The following LNPEP variants were observed in gnomAD, a reference collection of about 807,000 sequenced individuals.
LNPEP encodes leucyl-cystinyl aminopeptidase.
LNPEP carries 64 observed loss-of-function variants against 120.6 expected under a neutral mutation model. That is an observed-to-expected ratio of 0.53 (90% CI 0.43 to 0.65). The LOEUF (loss-of-function observed/expected upper bound fraction) is 0.65. Among genes scored for constraint, LNPEP ranks in the 30% least tolerant of loss-of-function variants. The pLI is 0.00. For missense variants in LNPEP, 1,057 were observed against 1,200.0 expected (o/e 0.88, Z 1.76); for synonymous variants, 435 against 425.4 (o/e 1.02, Z -0.28).
intron 16 of LNPEP, among the ~76,000 whole-genome samples, chr5:97,027,425 T>G (rs1791369385): frequency 6.6e-6 from 1 of 151,916 alleles, no homozygotes; most frequent in Non-Finnish European, 1.5e-5. Flanking sequence ...TTCAGCTAGA[T>G]GCAGATGTAG....
Position 96,986,549 on chromosome 5 carries a change from T to C in LNPEP, c.1010T>C (p.Val337Ala). Reference protein sequence around the residue: ...ALSNMPKKSSVVLDDGLVQDE... With the variant: ...ALSNMPKKSSAVLDDGLVQDE... ...CCCCTTTGCTTGTAGAAGTCATCAG[T>C]CGTTCTAGATGATGGACTTGTTCAG... Residue 337 changes from valine to alanine, a missense_variant, in exon 4 of 18, where the codon GTC becomes GCC. By Grantham distance (64) the Val-to-Ala change is moderately conservative (BLOSUM62 0). Transcript: ENST00000231368. The C allele has an allele frequency of 1.2e-6, 2 of 1,613,190 alleles. No individual in the cohort carries two copies. Among genetic ancestry groups the C allele is most frequent in the Non-Finnish European group, 8.5e-7 (1 of 1,179,390 alleles).
At chr5:96,970,808 C>A (rs763618046) in intron 1 of LNPEP, among the ~76,000 whole-genome samples, 3 of 151,968 alleles carry the variant, frequency 2.0e-5, no homozygotes, top group Non-Finnish European at 2.9e-5. Flanking sequence ...CTTAATTTCT[C>A]TTACTCAACT....
intron 1 of LNPEP, among the ~76,000 whole-genome samples, chr5:96,952,285 G>A (rs1292512478): frequency 6.6e-6 from 1 of 152,168 alleles, no homozygotes; most frequent in Non-Finnish European, 1.5e-5. Context: ...AGTTGTAATA[G>A]CACAAGTCAT....
Position 97,035,705 on chromosome 5 carries a change from C to A in LNPEP, c.*7172C>A, listed in dbSNP as rs1791560898. 6.6e-6 allele frequency: 1 copy of A among 151,988 alleles called. No individual in the cohort carries two copies. The highest frequency in any genetic ancestry group is 2.4e-5 in the African/African-American group (1 of 41,384). The allele number at this position is 151,988 out of a possible 1,614,324, so 9.4% of individuals were successfully genotyped here. A position where few individuals can be genotyped will look rare whatever the true frequency, so the allele number is the denominator to read the frequency against. On this transcript the variant is annotated 3_prime_UTR_variant, in exon 18 of 18. Coordinates refer to ENST00000231368, the MANE Select transcript of LNPEP (RefSeq NM_005575.3). ...CATTATTTTCCTTTAACACTTAGTC[C>A]CTTGCAAGGGGTCTGACTATACCTA...
chr5:96,954,772 ATT>A (rs1160402498), intron 1 of LNPEP, among the ~76,000 whole-genome samples: 478 of 27,038 alleles, frequency 0.018, 41 homozygotes, highest in African/African-American at 0.048. Flanking sequence ...ATATATATAT[ATT>A]TTTTTTTTTT....
chr5:96,966,951 A>C (rs190891020), intron 1 of LNPEP, among the ~76,000 whole-genome samples: 1 of 152,160 alleles, frequency 6.6e-6, no homozygotes, highest in Admixed American at 6.6e-5. Context: ...AAGTCCAGAA[A>C]CCTTGTTTTG....
chr5:97,014,586 C>T (rs1196692690), intron 12 of LNPEP, among the ~76,000 whole-genome samples: 1 of 152,026 alleles, frequency 6.6e-6, no homozygotes, highest in East Asian at 1.9e-4. Context: ...ACTCTCTATG[C>T]TATACTCTCT....
rs564434011 is a variant in LNPEP at position 97,033,762 on chromosome 5, T to C, written c.*5229T>C. On this transcript the variant is annotated 3_prime_UTR_variant, in exon 18 of 18. Transcript: ENST00000231368. The stretch of plus-strand genomic sequence containing the variant: ...TGGTGGGTGTTGGGGTATATACTTT[T>C]GTATATGTATGTACATATTTTTATT... The C allele has an allele frequency of 2.0e-5, 3 of 152,280 alleles. No individual in the cohort carries two copies. Among genetic ancestry groups the C allele is most frequent in the South Asian group, 4.1e-4 (2 of 4,828 alleles). The allele number at this position is 152,280 out of a possible 1,614,324, so 9.4% of individuals were successfully genotyped here.
intron 11 of LNPEP, 43 bp downstream of exon 11, chr5:97,006,558 T>A (rs1328040385): frequency 1.9e-6 from 2 of 1,058,292 alleles, no homozygotes; most frequent in Non-Finnish European, 2.9e-6. Context: ...GGCATAATTT[T>A]AAAAATCTGA....
intron 15 of LNPEP, 63 bp from the exon 16 acceptor site, chr5:97,026,554 A>C: frequency 7.6e-7 from 1 of 1,321,676 alleles, no homozygotes; most frequent in Non-Finnish European, 1.1e-6. Context: ...ATTTTAATTT[A>C]AGTTCAGTCA....
chr5:97,024,722 A>C, intron 15 of LNPEP, 40 bp downstream of exon 15: 1 of 1,569,512 alleles, frequency 6.4e-7, no homozygotes, highest in Non-Finnish European at 8.7e-7. Context: ...AGAAACCAAA[A>C]GAATACAAAC....
chr5:97,011,085 C>G, intron 11 of LNPEP: 1 of 985,398 alleles, frequency 1.0e-6, no homozygotes, highest in South Asian at 4.7e-5. Context: ...TGCTTATCAA[C>G]CAAGGTATTC....
intron 5 of LNPEP, 71 bp from the exon 6 acceptor site, chr5:96,993,746 G>A: frequency 7.3e-7 from 1 of 1,375,832 alleles, no homozygotes; most frequent in Non-Finnish European, 1.0e-6. Context: ...ATAAACCATT[G>A]AATAAAATAC....
chr5:96,968,130 G>A (rs1789770912), intron 1 of LNPEP, among the ~76,000 whole-genome samples: 1 of 152,068 alleles, frequency 6.6e-6, no homozygotes, highest in Non-Finnish European at 1.5e-5. Flanking sequence ...TAGGCAAATA[G>A]TGTGCATAAT....
intron 1 of LNPEP, among the ~76,000 whole-genome samples, chr5:96,957,150 C>G (rs977278132): frequency 6.6e-6 from 1 of 152,096 alleles, no homozygotes; most frequent in African/African-American, 2.4e-5. Context: ...TTTACATTTT[C>G]TTGGTCCTTT....
Position 97,029,232 on chromosome 5 carries a change from TTC to T in LNPEP, c.*701_*702del, listed in dbSNP as rs765750171. The T allele has an allele frequency of 6.6e-6, 1 of 152,372 alleles. No homozygotes were observed. The highest frequency in any genetic ancestry group is 1.5e-5 in the Non-Finnish European group (1 of 68,036). The allele number at this position is 152,372 out of a possible 1,614,324, so 9.4% of individuals were successfully genotyped here. A position where few individuals can be genotyped will look rare whatever the true frequency, so the allele number is the denominator to read the frequency against. The stretch of plus-strand genomic sequence containing the variant: ...TTAAATTTTTTGAATATTTAAGACT[TTC>T]TTTTTCATCTTTTATAGCGTTACCA... On this transcript the variant is annotated 3_prime_UTR_variant, in exon 18 of 18. Transcript: ENST00000231368.
At chr5:96,973,900 C>T (rs2112598550) in intron 1 of LNPEP, among the ~76,000 whole-genome samples, 1 of 152,190 alleles carries the variant, frequency 6.6e-6, no homozygotes, top group Admixed American at 6.6e-5. Flanking sequence ...AATTGTATCC[C>T]TCAATTGATG....
At chr5:97,023,824 T>C (rs1791272773) in intron 14 of LNPEP, among the ~76,000 whole-genome samples, 2 of 152,252 alleles carry the variant, frequency 1.3e-5, no homozygotes, top group African/African-American at 4.8e-5. Flanking sequence ...CTACAGCAGC[T>C]GCACCATCAT....
intron 2 of LNPEP, among the ~76,000 whole-genome samples, chr5:96,982,128 A>G (rs1790142285): frequency 6.6e-6 from 1 of 152,108 alleles, no homozygotes. Context: ...AGGCACATAA[A>G]GTAACTTATC....
Sources: allele counts gnomAD v4.1 joint callset (sites outside exome capture counted in the v4.1 genomes callset), GRCh38; gene constraint gnomAD v4.1.1; transcripts MANE v1.5; gene names NCBI Gene and HGNC (gene_info 2026-07-23, HGNC 2026-07-21).